SLC38A10: variants seen among roughly 807,000 people sequenced by gnomAD.
SLC38A10 encodes Sodium-coupled neutral amino acid transporter 10.
A neutral mutation model predicts 81.0 loss-of-function variants in SLC38A10; 53 were observed. The observed-to-expected ratio is 0.65, with a 90% confidence interval of 0.53 to 0.82. The LOEUF (loss-of-function observed/expected upper bound fraction) is 0.82, where lower values mean the gene tolerates loss of function less well. Among genes scored for constraint, SLC38A10 ranks in the 40% least tolerant of loss-of-function variants. SLC38A10 has a pLI of 0.00. For synonymous variants in SLC38A10, 665 were observed against 655.3 expected (o/e 1.01, Z -0.23); for missense variants, 1,471 against 1,545.0 (o/e 0.95, Z 0.80).
At chr17:81,249,453 G>C (rs112757647) in intron 14 of SLC38A10, among the ~76,000 whole-genome samples, 14 of 500 alleles carry the variant, frequency 0.028, 4 homozygotes, top group Non-Finnish European at 0.057. Context: ...AGGAGGGAGG[G>C]AAGAGGAGGG....
intron 10 of SLC38A10, among the ~76,000 whole-genome samples, chr17:81,266,953 T>G (rs2063075669): frequency 1.3e-5 from 2 of 152,204 alleles, no homozygotes; most frequent in Admixed American, 6.5e-5. Flanking sequence ...ACAAAGACTA[T>G]GCAGAAAATG....
chr17:81,261,988 T>A (rs7224668), intron 10 of SLC38A10, among the ~76,000 whole-genome samples: 1 of 152,096 alleles, frequency 6.6e-6, no homozygotes, highest in Non-Finnish European at 1.5e-5. Context: ...CCTTCAGCCA[T>A]GTTACATCTT....
chr17:81,246,566 C>G lies in SLC38A10; in HGVS notation c.2350G>C (p.Val784Leu). ...ENLPPLPLDPVLRAPGGRPAP... is the reference protein window; with the variant it reads ...ENLPPLPLDPLLRAPGGRPAP... ...GGGCGGCCCCCAGGAGCTCTGAGGA[C>G]AGGGTCCAAAGGCAGGGGAGGCAGA... Residue 784 changes from valine (V) to leucine (L), a missense_variant, in exon 16 of 16, where the codon GTC becomes CTC. Physicochemically the swap from Val to Leu is conservative, Grantham distance 32 (BLOSUM62 1). Coordinates refer to ENST00000374759, the MANE Select transcript of SLC38A10 (RefSeq NM_001037984.3). The G allele has an allele frequency of 6.6e-7, 1 of 1,516,834 alleles. No individual in the cohort carries two copies. The highest frequency in any genetic ancestry group is 1.4e-5 in the African/African-American group (1 of 71,790). The allele number at this position is 1,516,834 out of a possible 1,614,324, so 94.0% of individuals were successfully genotyped here.
chr17:81,280,191 G>A (rs751144596), intron 6 of SLC38A10: 42 of 446,704 alleles, frequency 9.4e-5, no homozygotes, highest in African/African-American at 6.2e-4. Flanking sequence ...AGGCTCGCGC[G>A]CACATGCAGG....
intron 14 of SLC38A10, among the ~76,000 whole-genome samples, chr17:81,248,246 C>G (rs926599043): frequency 6.6e-6 from 1 of 152,186 alleles, no homozygotes. Context: ...CATGAGCCAC[C>G]GCACCCGGCC....
intron 2 of SLC38A10, among the ~76,000 whole-genome samples, chr17:81,285,882 A>T (rs1323610498): frequency 6.6e-6 from 1 of 152,260 alleles, no homozygotes; most frequent in Non-Finnish European, 1.5e-5. Flanking sequence ...CTTAGGAAGA[A>T]GCACAGCGTT....
At position 81,294,835 on chromosome 17, in the gene SLC38A10, G is replaced by C. The variant is rs1162091062; in HGVS notation, c.87C>G (p.Phe29Leu). 25 of 1,591,164 alleles carry C rather than the reference G, an allele frequency of 1.6e-5. No homozygotes were observed. Among genetic ancestry groups the C allele is most frequent in the Non-Finnish European group, 2.1e-5 (25 of 1,170,336 alleles). ...CCACCGGACTCACCTGTTTGAAGCA[G>C]AAGGGCATGGTGAGGACACTGACCC... is the stretch of plus-strand genomic sequence containing the variant. ...IVGVSVLTMP[F>L]CFKQCGIVLG... The change falls in exon 1 of 16, where the codon TTC becomes TTG. Residue 29 changes from phenylalanine to leucine, a missense_variant. Physicochemically the swap from Phe to Leu is conservative, Grantham distance 22 (BLOSUM62 0). Coordinates refer to ENST00000374759, the MANE Select transcript of SLC38A10 (RefSeq NM_001037984.3).
intron 14 of SLC38A10, chr17:81,250,099 C>T (rs1263106602): frequency 5.4e-6 from 7 of 1,288,070 alleles, no homozygotes; most frequent in Non-Finnish European, 7.1e-6. Context: ...TTCAGCTGCT[C>T]GTCCCGTTGA....
Position 81,294,891 on chromosome 17 carries a change from G to GCC in SLC38A10, c.29_30dup (p.Leu11GlyfsTer2), listed in dbSNP as rs772510474. On this transcript the variant is annotated frameshift_variant, in exon 1 of 16. Transcript: ENST00000374759. LOFTEE classifies it high-confidence loss of function. ...ATGCTGTTCACGATGTTCGTGATCA[G>GCC]CCCCCAGTTGGAGGCGGCGGCCGCG... 1 of 1,593,716 alleles carries GCC rather than the reference G, an allele frequency of 6.3e-7. No individual in the cohort carries two copies. The highest frequency in any genetic ancestry group is 8.5e-7 in the Non-Finnish European group (1 of 1,171,606).
At chr17:81,250,176 A>C in intron 14 of SLC38A10, 7 of 1,241,880 alleles carry the variant, frequency 5.6e-6, no homozygotes, top group Non-Finnish European at 7.3e-6. Context: ...AGAAAATCAA[A>C]AGAATCAAAC....
chr17:81,271,102 C>T (rs1598394984), intron 9 of SLC38A10, 78 bp from the exon 10 acceptor site: 6 of 1,212,316 alleles, frequency 4.9e-6, no homozygotes, highest in Non-Finnish European at 7.1e-6. Context: ...TTGCCCTGCA[C>T]ACGGGTGAGC....
At chr17:81,250,206 T>C (rs1476377246) in intron 14 of SLC38A10, 17 of 1,091,714 alleles carry the variant, frequency 1.6e-5, no homozygotes, top group Non-Finnish European at 1.8e-5. Flanking sequence ...TAACAGAGCA[T>C]AGGAATTGGA....
At position 81,288,442 on chromosome 17, in the gene SLC38A10, G is replaced by A. The variant is rs552776671; in HGVS notation, c.217+1249C>T. On this transcript the variant is annotated intron_variant, in intron 2 of 15. Coordinates refer to ENST00000374759, the MANE Select transcript of SLC38A10 (RefSeq NM_001037984.3). The surrounding 1 kb of genome is among the most constrained non-coding windows in gnomAD (Gnocchi z 5.4). Reference sequence around the variant, plus strand: ...ACCAAAACCCACAGGGCCAACTCCTGAGAACACGGATGCTGGAATTTCAAC... The same window carrying A: ...ACCAAAACCCACAGGGCCAACTCCTAAGAACACGGATGCTGGAATTTCAAC... 6.6e-6 allele frequency among the ~76,000 whole-genome samples: 1 copy of A among 152,314 alleles called. No individual in the cohort carries two copies. Among genetic ancestry groups the A allele is most frequent in the South Asian group, 2.1e-4 (1 of 4,828 alleles).
chr17:81,272,399 T>G, intron 9 of SLC38A10, 117 bp downstream of exon 9: 1 of 548,974 alleles, frequency 1.8e-6, no homozygotes, highest in South Asian at 4.1e-5. Context: ...GTCTCTAGAC[T>G]TTTTTAAGAG....
chr17:81,259,281 T>C (rs538142990), intron 11 of SLC38A10, among the ~76,000 whole-genome samples: 16 of 152,306 alleles, frequency 1.1e-4, no homozygotes, highest in African/African-American at 3.8e-4. Flanking sequence ...CCGGCACTGC[T>C]CACTGGGGCT....
At position 81,288,229 on chromosome 17, in the gene SLC38A10, G is replaced by A. The variant is rs558429434; in HGVS notation, c.217+1462C>T. Reference sequence around the variant, plus strand: ...GGAGGCCAGGACCCACGTGTGGACCGTGCAGGTGTTTTTATTTTGTTTGGC... The same window carrying A: ...GGAGGCCAGGACCCACGTGTGGACCATGCAGGTGTTTTTATTTTGTTTGGC... On this transcript the variant is annotated intron_variant, in intron 2 of 15. Transcript: ENST00000374759. This position sits in a 1 kb window ranked among gnomAD's most constrained non-coding sequence, Gnocchi z 5.4. 5.3e-5 allele frequency among the ~76,000 whole-genome samples: 8 copies of A among 152,332 alleles called. No homozygotes were observed. Among genetic ancestry groups the A allele is most frequent in the Admixed American group, 2.0e-4 (3 of 15,304 alleles).
In SLC38A10 at chr17:81,251,576, G is replaced by C. The variant is rs770297763; in HGVS notation, c.1982C>G (p.Pro661Arg). 1 of 1,496,490 alleles carries C rather than the reference G, an allele frequency of 6.7e-7. No homozygotes were observed. Among genetic ancestry groups the C allele is most frequent in the Non-Finnish European group, 8.9e-7 (1 of 1,129,438 alleles). The allele number at this position is 1,496,490 out of a possible 1,614,324, so 92.7% of individuals were successfully genotyped here. ...KPPLPAEKPA[P>R]GPGLPPEPRE... ...AGGCTCGGGCGGCAGCCCAGGCCCT[G>C]GAGCCGGCTTCTCCGCTGGGAGGGG... Residue 661 changes from proline (P) to arginine (R), a missense_variant, in exon 14 of 16, where the codon CCA becomes CGA. Around this residue, in one of 2 missense-constraint regions of SLC38A10, gnomAD observed 751 missense variants for 717.4 expected, o/e 1.05. Transcript: ENST00000374759.
At position 81,289,910 on chromosome 17, in the gene SLC38A10, C is replaced by A; in HGVS notation, c.100-102G>T. ...ATGAGGACCCTCTTCACCCCCAGGCCCCGCTCCATCCCAGTCTCCTGCCGA... is the reference window on the plus strand; with the variant it reads ...ATGAGGACCCTCTTCACCCCCAGGCACCGCTCCATCCCAGTCTCCTGCCGA... On this transcript the variant is annotated intron_variant, in intron 1 of 15. Coordinates refer to ENST00000374759, the MANE Select transcript of SLC38A10 (RefSeq NM_001037984.3). The surrounding 1 kb of genome is among the most constrained non-coding windows in gnomAD (Gnocchi z 5.9). 1 of 881,630 alleles carries A rather than the reference C, an allele frequency of 1.1e-6. No individual in the cohort carries two copies. Among genetic ancestry groups the A allele is most frequent in the Non-Finnish European group, 1.7e-6 (1 of 598,028 alleles). The allele number at this position is 881,630 out of a possible 1,614,324, so 54.6% of individuals were successfully genotyped here.
In SLC38A10 at chr17:81,247,050, C is replaced by A. The variant is rs1198283574; in HGVS notation, c.2077G>T (p.Ala693Ser). Residue 693 changes from alanine (A) to serine (S), a missense_variant, in exon 15 of 16, where the codon GCG (alanine) becomes TCG (serine). By Grantham distance (99) the Ala-to-Ser change is moderately conservative. This residue lies in a region of SLC38A10 where 751 missense variants were observed against 717.4 expected (regional missense o/e 1.05). Transcript: ENST00000374759. The part of the protein sequence containing the change: ...AASQLEEAGR[A>S]EMLDHAVLLQ... ...AGGACGGCGTGGTCCAGCATCTCCG[C>A]CCTGCCAGCTTCTGGGTTTGGAAAG... The A allele has an allele frequency of 6.3e-7, 1 of 1,585,798 alleles. No individual in the cohort carries two copies. The highest frequency in any genetic ancestry group is 8.6e-7 in the Non-Finnish European group (1 of 1,167,952).
Sources: gnomAD v4.1 joint callset for allele counts (sites outside exome capture counted in the v4.1 genomes callset) on GRCh38, gnomAD v4.1.1 for gene constraint, gnomAD v4.1.1 regional missense constraint, Gnocchi (gnomAD v3.1) non-coding constraint, MANE v1.5 for transcripts, NCBI Gene and HGNC (gene_info 2026-07-23, HGNC 2026-07-21) for gene names.